The following LARP4B variants were observed in gnomAD, a reference collection of about 807,000 sequenced individuals.
LARP4B encodes La ribonucleoprotein 4B.
Under a neutral mutation model 89.8 loss-of-function variants are expected in LARP4B, and 12 were observed. The observed-to-expected ratio is 0.13, with a 90% CI of 0.09 to 0.22. LARP4B has a LOEUF of 0.22. LARP4B is among the 10% of genes least tolerant of loss of function. The probability of loss-of-function intolerance (pLI) is 1.00; values close to 1 mark genes in which losing one functional copy is unlikely to be tolerated. For synonymous variants in LARP4B, 367 were observed against 363.3 expected (o/e 1.01, Z -0.12); for missense variants, 757 against 947.7 (o/e 0.80, Z 2.64).
intron 1 of LARP4B, among the ~76,000 whole-genome samples, chr10:896,586 G>A (rs1180101089): frequency 2.0e-5 from 3 of 152,076 alleles, no homozygotes; most frequent in East Asian, 3.8e-4. Flanking sequence ...CATAAACAAT[G>A]TTATTTATAT....
chr10:866,365 T>A (rs1834896825), intron 3 of LARP4B, among the ~76,000 whole-genome samples: 1 of 152,204 alleles, frequency 6.6e-6, no homozygotes, highest in African/African-American at 2.4e-5. Flanking sequence ...TTCTCTCTCA[T>A]CCACCCATCT....
At chr10:984,647 G>C in the LARP4B span, among the ~76,000 whole-genome samples, 3 of 152,172 alleles carry the variant, frequency 2.0e-5, no homozygotes, top group Non-Finnish European at 4.4e-5. Flanking sequence ...AAACACAGGT[G>C]CTGGGGGATT....
chr10:858,032 T>C (rs1433676988), intron 5 of LARP4B, among the ~76,000 whole-genome samples: 1 of 152,166 alleles, frequency 6.6e-6, no homozygotes, highest in Non-Finnish European at 1.5e-5. Flanking sequence ...GCCTTAAAAA[T>C]TCTCTTTAAA....
At chr10:909,586 A>T (rs1391228342) in intron 1 of LARP4B, among the ~76,000 whole-genome samples, 1 of 151,826 alleles carries the variant, frequency 6.6e-6, no homozygotes, top group African/African-American at 2.4e-5. Flanking sequence ...CGAGTTTGAG[A>T]CCAGCCTGGC....
Position 852,139 on chromosome 10 carries a change from T to C in LARP4B, c.431-7084A>G, listed in dbSNP as rs1834088514. 2.6e-5 allele frequency among the ~76,000 whole-genome samples: 4 copies of C among 152,168 alleles called. No individual in the cohort carries two copies. The South Asian group carries it at 8.3e-4, about 32-fold the overall frequency. Reference sequence around the variant, plus strand: ...GAAAACTCCTGCCCACATGACTTGTTTCACTTCCTCATATGAGGGTGAAAT... The same window carrying C: ...GAAAACTCCTGCCCACATGACTTGTCTCACTTCCTCATATGAGGGTGAAAT... On this transcript the variant is annotated intron_variant, in intron 5 of 17. Transcript: ENST00000316157.
chr10:829,866 C>A, intron 9 of LARP4B, 132 bp from the exon 10 acceptor site: 1 of 665,278 alleles, frequency 1.5e-6, no homozygotes, highest in South Asian at 1.8e-5. Flanking sequence ...AATAATGATT[C>A]TTGACACTCC....
At chr10:946,059 G>C in the LARP4B span, among the ~76,000 whole-genome samples, 1 of 152,174 alleles carries the variant, frequency 6.6e-6, no homozygotes, top group African/African-American at 2.4e-5. Context: ...CCCATGCAGC[G>C]GTGTGTCTAT....
the LARP4B span, among the ~76,000 whole-genome samples, chr10:981,119 C>A: frequency 6.6e-6 from 1 of 152,216 alleles, no homozygotes; most frequent in Non-Finnish European, 1.5e-5. Context: ...AGAATGCAGC[C>A]AAGCTCTTTG....
intron 17 of LARP4B, among the ~76,000 whole-genome samples, chr10:813,801 CTTTT>C (rs35886091): frequency 8.8e-5 from 12 of 136,260 alleles, no homozygotes; most frequent in Admixed American, 3.6e-4. Context: ...CCCTTAATAA[CTTTT>C]TTTTTTTTTT....
intron 3 of LARP4B, among the ~76,000 whole-genome samples, chr10:880,116 G>T (rs1029645917): frequency 1.3e-5 from 2 of 152,116 alleles, no homozygotes; most frequent in African/African-American, 4.8e-5. Context: ...GTAACAACCT[G>T]CCAAAAGGTC....
At chr10:846,890 G>A (rs146551959) in intron 5 of LARP4B, among the ~76,000 whole-genome samples, 220 of 152,274 alleles carry the variant, frequency 1.4e-3, no homozygotes, top group Non-Finnish European at 1.4e-3. Context: ...CAGGCTCACA[G>A]CCAGCAAGGT....
intron 14 of LARP4B, chr10:819,273 T>C (rs1832219242): frequency 6.6e-6 from 1 of 152,164 alleles, no homozygotes; most frequent in South Asian, 2.1e-4. Context: ...AAATCTCAAC[T>C]TGTAGAAGCA....
chr10:929,980 A>C (rs1238455259), intron 1 of LARP4B, among the ~76,000 whole-genome samples: 1 of 152,178 alleles, frequency 6.6e-6, no homozygotes, highest in Non-Finnish European at 1.5e-5. Flanking sequence ...ACTGCCTTTC[A>C]GCATATTAAA....
At chr10:954,301 C>T in the LARP4B span, among the ~76,000 whole-genome samples, 5 of 152,196 alleles carry the variant, frequency 3.3e-5, no homozygotes, top group Admixed American at 6.5e-5. This position sits in a 1 kb window ranked among gnomAD's most constrained non-coding sequence, Gnocchi z 5.0. Flanking sequence ...TTATGGTAGC[C>T]TGTGTCCACC....
At chr10:821,217 T>C (rs1350562059) in intron 13 of LARP4B, among the ~76,000 whole-genome samples, 1 of 152,156 alleles carries the variant, frequency 6.6e-6, no homozygotes, top group Non-Finnish European at 1.5e-5. Flanking sequence ...TTGTTTAAAA[T>C]GGTGGTGAGA....
chr10:944,760 C>G, the LARP4B span, among the ~76,000 whole-genome samples: 3 of 151,838 alleles, frequency 2.0e-5, no homozygotes, highest in Non-Finnish European at 4.4e-5. Context: ...AGTCCTGGCC[C>G]TAAGTTCTAG....
rs1812425706 is a variant in LARP4B, at chr10:810,424, C to A, written c.*2502G>T. ...ATGCAGAAGACTGCTGCTGGCTAGG[C>A]AGTAACTACAGTGTATTGACCGGAG... On this transcript the variant is annotated 3_prime_UTR_variant, in exon 18 of 18. Transcript: ENST00000316157. 1 of 152,200 alleles carries A rather than the reference C, an allele frequency of 6.6e-6. No homozygotes were observed. The highest frequency in any genetic ancestry group is 2.1e-4 in the South Asian group (1 of 4,834). The allele number at this position is 152,200 out of a possible 1,614,324, so 9.4% of individuals were successfully genotyped here. A position where few individuals can be genotyped will look rare whatever the true frequency, so the allele number is the denominator to read the frequency against.
At chr10:847,430 A>G (rs1226513847) in intron 5 of LARP4B, among the ~76,000 whole-genome samples, 1 of 152,138 alleles carries the variant, frequency 6.6e-6, no homozygotes, top group Non-Finnish European at 1.5e-5. Context: ...AAAACCACCA[A>G]GAAACCAAAT....
chr10:825,731 G>C, intron 12 of LARP4B, 33 bp downstream of exon 12: 2 of 1,478,152 alleles, frequency 1.4e-6, no homozygotes, highest in Non-Finnish European at 1.9e-6. Flanking sequence ...GTAGCGTAAA[G>C]ACCAAAACTG....
Sources: allele counts gnomAD v4.1 joint callset (sites outside exome capture counted in the v4.1 genomes callset), GRCh38; gene constraint gnomAD v4.1.1; non-coding constraint Gnocchi (gnomAD v3.1); transcripts MANE v1.5; gene names NCBI Gene and HGNC (gene_info 2026-07-23, HGNC 2026-07-21).